Variants in ATP8B1 observed in about 807,000 individuals in gnomAD.
ATP8B1 encodes the protein ATPase phospholipid transporting 8B1, also known as phospholipid-transporting ATPase IC.
A neutral mutation model predicts 149.9 loss-of-function variants in ATP8B1; 80 were observed. The observed-to-expected ratio is 0.53, with a 90% CI of 0.45 to 0.64. ATP8B1 has a LOEUF of 0.64. ATP8B1 is among the 30% of genes least tolerant of loss of function. ATP8B1 has a pLI of 0.00. For missense variants in ATP8B1, 1,247 were observed against 1,552.6 expected, an observed-to-expected ratio of 0.80 and a Z score of 3.31; for synonymous variants, 536 against 562.8, an observed-to-expected ratio of 0.95 and a Z score of 0.67.
chr18:57,777,028 G>A (rs1423737808), intron 1 of ATP8B1, among the ~76,000 whole-genome samples: 1 of 151,020 alleles, frequency 6.6e-6, no homozygotes, highest in African/African-American at 2.4e-5. Context: ...CCAGGCTGGA[G>A]TACGGTGGTG....
chr18:57,736,453 GTTTTTTTTTTTT>G (rs71171079), intron 1 of ATP8B1, among the ~76,000 whole-genome samples: 2 of 70,142 alleles, frequency 2.9e-5, no homozygotes, highest in Non-Finnish European at 5.3e-5. Context: ...AGTTTTACTA[GTTTTTTTTTTTT>G]TTTTTTTTTT....
intron 1 of ATP8B1, among the ~76,000 whole-genome samples, chr18:57,732,243 A>ATATATGTATATATG (rs2079786149): frequency 9.8e-5 from 1 of 10,204 alleles, no homozygotes; most frequent in Non-Finnish European, 2.2e-4. Flanking sequence ...GTGTATATAT[A>ATATATGTATATATG]TGTATATATG....
chr18:57,775,447 G>GA (rs1463406040), intron 1 of ATP8B1, among the ~76,000 whole-genome samples: 7 of 151,920 alleles, frequency 4.6e-5, no homozygotes, highest in Non-Finnish European at 1.5e-5. Flanking sequence ...AGAAGGAAGA[G>GA]AGGGAGGAAG....
At chr18:57,750,708 A>G (rs2080008595) in intron 1 of ATP8B1, among the ~76,000 whole-genome samples, 1 of 152,212 alleles carries the variant, frequency 6.6e-6, no homozygotes, top group Non-Finnish European at 1.5e-5. Flanking sequence ...ACGTGTCTAC[A>G]GTGAATTTGT....
intron 1 of ATP8B1, among the ~76,000 whole-genome samples, chr18:57,737,423 G>C (rs111583482): frequency 6.6e-6 from 1 of 151,720 alleles, no homozygotes; most frequent in Non-Finnish European, 1.5e-5. Flanking sequence ...CTCTGCCACC[G>C]AGGCTGCAGT....
chr18:57,725,281 T>C (rs1045480050), intron 2 of ATP8B1, among the ~76,000 whole-genome samples: 1 of 150,544 alleles, frequency 6.6e-6, no homozygotes, highest in Non-Finnish European at 1.5e-5. Context: ...TAATCCCATT[T>C]ATAATAGCTA....
intron 1 of ATP8B1, among the ~76,000 whole-genome samples, chr18:57,754,721 G>T (rs145010818): frequency 6.6e-6 from 1 of 152,230 alleles, no homozygotes; most frequent in East Asian, 1.9e-4. Context: ...CCCACGCCGG[G>T]GCTCAAATTT....
chr18:57,679,694 T>C (rs1911827924), intron 15 of ATP8B1, among the ~76,000 whole-genome samples: 1 of 152,130 alleles, frequency 6.6e-6, no homozygotes, highest in African/African-American at 2.4e-5. Flanking sequence ...AGATGGAGTC[T>C]CACTTTGTCG....
intron 11 of ATP8B1, among the ~76,000 whole-genome samples, chr18:57,693,030 A>C (rs571134357): frequency 6.6e-6 from 1 of 152,338 alleles, no homozygotes; most frequent in East Asian, 1.9e-4. Context: ...GCAGAGTGCC[A>C]AACAGGCTCT....
At position 57,706,983 on chromosome 18, in the gene ATP8B1, G is replaced by A. The variant is rs74974921; in HGVS notation, c.182-396C>T. On this transcript the variant is annotated intron_variant, in intron 2 of 27. Coordinates refer to ENST00000648908, the MANE Select transcript of ATP8B1 (RefSeq NM_001374385.1). The stretch of plus-strand genomic sequence containing the variant: ...TAAGCATGCTGCTGCTATGAAAGCT[G>A]GAGGCAAGCATGCTATAAATCAGGA... 5.4e-3 allele frequency among the ~76,000 whole-genome samples: 817 copies of A among 152,300 alleles called. 8 individuals carry two copies. The highest frequency in any genetic ancestry group is 0.019 in the African/African-American group (769 of 41,562).
chr18:57,798,241 A>T (rs1355203340), intron 1 of ATP8B1, among the ~76,000 whole-genome samples: 1 of 152,140 alleles, frequency 6.6e-6, no homozygotes, highest in Non-Finnish European at 1.5e-5. Context: ...GTTGAGTTTT[A>T]AACAGGTAGT....
At chr18:57,792,536 G>A (rs1442125265) in intron 1 of ATP8B1, among the ~76,000 whole-genome samples, 1 of 152,064 alleles carries the variant, frequency 6.6e-6, no homozygotes, top group Non-Finnish European at 1.5e-5. Context: ...TAAAATGCCC[G>A]GAATCGGCAA....
At chr18:57,785,720 G>C (rs941697154) in intron 1 of ATP8B1, among the ~76,000 whole-genome samples, 4 of 152,104 alleles carry the variant, frequency 2.6e-5, no homozygotes, top group Middle Eastern at 3.2e-3. Context: ...TGGCCAGTCT[G>C]GTCTCAAACT....
chr18:57,674,809 TAG>T (rs751584345), intron 16 of ATP8B1, 23 bp downstream of exon 16: 1 of 1,612,326 alleles, frequency 6.2e-7, no homozygotes. Flanking sequence ...GAGCGATTCA[TAG>T]ACAGACTCTG....
chr18:57,697,660 T>C lies in ATP8B1; in HGVS notation c.656A>G (p.Glu219Gly), dbSNP rs942875731. The C allele has an allele frequency of 6.2e-7, 1 of 1,613,642 alleles. No individual in the cohort carries two copies. The highest frequency in any genetic ancestry group is 8.5e-7 in the Non-Finnish European group (1 of 1,179,958). ...TTCCACATAGCAGAGGCTGTTAGGC[T>C]CAGAGCTAGACAGCAGGAGAATGTC... ...PADILLLSSS[E>G]PNSLCYVETA... Residue 219 changes from glutamate (E) to glycine (G), a missense_variant, in exon 8 of 28, where the codon GAG (glutamate) becomes GGG (glycine). Around this residue, in one of 3 missense-constraint regions of ATP8B1, gnomAD observed 853 missense variants for 1,035.7 expected, o/e 0.82. Coordinates refer to ENST00000648908, the MANE Select transcript of ATP8B1 (RefSeq NM_001374385.1).
At chr18:57,763,837 T>C (rs1043978216) in intron 1 of ATP8B1, among the ~76,000 whole-genome samples, 1 of 152,212 alleles carries the variant, frequency 6.6e-6, no homozygotes, top group Admixed American at 6.5e-5. Flanking sequence ...AGATTTTTGC[T>C]TAGCTGGGTA....
chr18:57,684,333 G>T, intron 14 of ATP8B1, 141 bp from the exon 15 acceptor site: 1 of 906,366 alleles, frequency 1.1e-6, no homozygotes, highest in South Asian at 1.7e-5. Flanking sequence ...AATGTCAAGA[G>T]GCTCACAACT....
At chr18:57,660,741 A>G (rs770685323) in intron 22 of ATP8B1, among the ~76,000 whole-genome samples, 9 of 152,012 alleles carry the variant, frequency 5.9e-5, no homozygotes, top group Admixed American at 2.0e-4. Flanking sequence ...CTGGTCTCGA[A>G]CTCCTGACCT....
At chr18:57,799,049 C>G (rs1160487036) in intron 1 of ATP8B1, among the ~76,000 whole-genome samples, 1 of 152,252 alleles carries the variant, frequency 6.6e-6, no homozygotes, top group Non-Finnish European at 1.5e-5. Context: ...TTTTACTGAA[C>G]TGTGTGCTAA....
Sources: gnomAD v4.1 joint callset for allele counts (sites outside exome capture counted in the v4.1 genomes callset) on GRCh38, gnomAD v4.1.1 for gene constraint, gnomAD v4.1.1 regional missense constraint, MANE v1.5 for transcripts, NCBI Gene and HGNC (gene_info 2026-07-23, HGNC 2026-07-21) for gene names.